LHFPL3: variants seen among roughly 807,000 people sequenced by gnomAD.
LHFPL3 encodes the protein LHFPL tetraspan subfamily member 3 protein.
Under a neutral mutation model 19.3 loss-of-function variants are expected in LHFPL3, and 5 were observed. That is an observed-to-expected ratio of 0.26 (90% CI 0.14 to 0.54). The LOEUF (loss-of-function observed/expected upper bound fraction) is 0.54. LHFPL3 is among the 20% of genes least tolerant of loss of function. The pLI is 0.94. For synonymous variants in LHFPL3, 133 were observed against 126.2 expected, an observed-to-expected ratio of 1.05 and a Z score of -0.36; for missense variants, 249 against 307.4, an observed-to-expected ratio of 0.81 and a Z score of 1.42.
chr7:104,516,809 G>A (rs530242905), intron 1 of LHFPL3, among the ~76,000 whole-genome samples: 35 of 151,924 alleles, frequency 2.3e-4, no homozygotes, highest in Non-Finnish European at 3.8e-4. Context: ...ATACCCAAAG[G>A]AATATAAATC....
chr7:104,357,996 G>A (rs1217877953), intron 1 of LHFPL3, among the ~76,000 whole-genome samples: 1 of 152,190 alleles, frequency 6.6e-6, no homozygotes, highest in African/African-American at 2.4e-5. Context: ...CCTGGTATTA[G>A]GGTGAGGGAA....
intron 2 of LHFPL3, among the ~76,000 whole-genome samples, chr7:104,867,329 G>A (rs1407342678): frequency 1.3e-5 from 2 of 151,766 alleles, no homozygotes; most frequent in African/African-American, 4.8e-5. Flanking sequence ...ACAGACCGCT[G>A]GCAAGACTAA....
intron 2 of LHFPL3, among the ~76,000 whole-genome samples, chr7:104,750,435 T>C (rs146348653): frequency 0.012 from 1,787 of 152,350 alleles, 29 homozygotes; most frequent in East Asian, 0.054. Flanking sequence ...GGAGTAATAA[T>C]TGAGCAATCT....
chr7:104,375,155 A>G (rs1790686904), intron 1 of LHFPL3, among the ~76,000 whole-genome samples: 2 of 152,198 alleles, frequency 1.3e-5, no homozygotes, highest in Admixed American at 6.5e-5. Context: ...CCTGGCCAAC[A>G]TGGTGAAACC....
At chr7:104,605,705 A>G (rs979637299) in intron 1 of LHFPL3, among the ~76,000 whole-genome samples, 1 of 152,170 alleles carries the variant, frequency 6.6e-6, no homozygotes, top group Non-Finnish European at 1.5e-5. Flanking sequence ...CTCAAATCAT[A>G]TTTTTGGTAT....
At chr7:104,445,103 T>TGGC (rs1277575761) in intron 1 of LHFPL3, among the ~76,000 whole-genome samples, 2 of 152,204 alleles carry the variant, frequency 1.3e-5, no homozygotes, top group Non-Finnish European at 2.9e-5. Flanking sequence ...GTTAGTTTGC[T>TGGC]GGTGGTGGTG....
chr7:104,824,677 TTA>T (rs1344838585), intron 2 of LHFPL3, among the ~76,000 whole-genome samples: 3 of 94,738 alleles, frequency 3.2e-5, no homozygotes, highest in Non-Finnish European at 5.6e-5. Flanking sequence ...ATATTTGGCA[TTA>T]TATATAATAT....
At chr7:104,407,660 G>GA (rs1791443851) in intron 1 of LHFPL3, among the ~76,000 whole-genome samples, 1 of 152,160 alleles carries the variant, frequency 6.6e-6, no homozygotes, top group East Asian at 1.9e-4. Flanking sequence ...CTGTCTCAGG[G>GA]AATAAAAAAA....
chr7:104,419,570 A>G (rs988005578), intron 1 of LHFPL3, among the ~76,000 whole-genome samples: 3 of 152,214 alleles, frequency 2.0e-5, no homozygotes, highest in Admixed American at 1.3e-4. Context: ...AATACATGTT[A>G]TAAGAGAAAT....
intron 1 of LHFPL3, among the ~76,000 whole-genome samples, chr7:104,353,095 A>G (rs562742483): frequency 2.0e-5 from 3 of 152,366 alleles, no homozygotes; most frequent in African/African-American, 4.8e-5. Flanking sequence ...CAATGTATGT[A>G]TAAGGAAGCA....
At chr7:104,591,380 G>T (rs1484733444) in intron 1 of LHFPL3, among the ~76,000 whole-genome samples, 3 of 152,162 alleles carry the variant, frequency 2.0e-5, no homozygotes, top group Non-Finnish European at 4.4e-5. Context: ...ATGAAGCTTA[G>T]TTTGGCTGGA....
At chr7:104,454,976 G>T (rs1451876233) in intron 1 of LHFPL3, among the ~76,000 whole-genome samples, 3 of 152,150 alleles carry the variant, frequency 2.0e-5, no homozygotes, top group African/African-American at 7.2e-5. Flanking sequence ...TGTATAGCCT[G>T]CCCCTTCCAT....
At chr7:104,796,180 A>G (rs1470186887) in intron 2 of LHFPL3, among the ~76,000 whole-genome samples, 2 of 152,178 alleles carry the variant, frequency 1.3e-5, no homozygotes, top group East Asian at 1.9e-4. Context: ...TGAAGTCACA[A>G]CGCTCCTGGT....
At chr7:104,433,022 G>A (rs1792031452) in intron 1 of LHFPL3, among the ~76,000 whole-genome samples, 1 of 152,068 alleles carries the variant, frequency 6.6e-6, no homozygotes, top group African/African-American at 2.4e-5. Context: ...GCTTTGCACT[G>A]TTAAAATTTA....
At chr7:104,748,490 G>A (rs138257428) in intron 2 of LHFPL3, among the ~76,000 whole-genome samples, 45,515 of 97,854 alleles carry the variant, frequency 0.47, 11,172 homozygotes, top group East Asian at 0.81. Context: ...TGAGATAGGG[G>A]AAAACCGCCT....
intron 1 of LHFPL3, among the ~76,000 whole-genome samples, chr7:104,392,610 G>A (rs1164190883): frequency 6.6e-6 from 1 of 152,118 alleles, no homozygotes; most frequent in Admixed American, 6.5e-5. Flanking sequence ...GGGGATTTTT[G>A]CATCAATGTT....
chr7:104,460,914 G>A (rs1482246076), intron 1 of LHFPL3, among the ~76,000 whole-genome samples: 1 of 152,094 alleles, frequency 6.6e-6, no homozygotes, highest in African/African-American at 2.4e-5. Context: ...TGAAATCTTT[G>A]CCCATCCAGA....
intron 1 of LHFPL3, among the ~76,000 whole-genome samples, chr7:104,523,683 G>A (rs917021523): frequency 2.0e-5 from 3 of 152,136 alleles, no homozygotes; most frequent in African/African-American, 7.2e-5. Flanking sequence ...TAGCCATGTT[G>A]AGGTACCCTC....
chr7:104,617,845 C>T (rs904103947), intron 1 of LHFPL3, among the ~76,000 whole-genome samples: 5 of 152,124 alleles, frequency 3.3e-5, no homozygotes, highest in Non-Finnish European at 5.9e-5. Flanking sequence ...AGAAAATCTG[C>T]AATCTATATA....
Sources: gnomAD v4.1 joint callset for allele counts (sites outside exome capture counted in the v4.1 genomes callset) on GRCh38, gnomAD v4.1.1 for gene constraint, MANE v1.5 for transcripts, NCBI Gene and HGNC (gene_info 2026-07-23, HGNC 2026-07-21) for gene names.